RBFOX1: variants seen among roughly 807,000 people sequenced by gnomAD.
The protein encoded by RBFOX1 is RNA binding protein fox-1 homolog 1.
In RBFOX1, 8 loss-of-function variants were observed where a neutral mutation model predicts 57.7. The ratio of observed to expected loss-of-function variants is 0.14; its 90% confidence interval spans 0.08 to 0.25. The LOEUF (loss-of-function observed/expected upper bound fraction) is 0.25, where lower values mean the gene tolerates loss of function less well. RBFOX1 is among the 10% of genes least tolerant of loss of function. The probability of loss-of-function intolerance (pLI) is 1.00; values close to 1 mark genes in which losing one functional copy is unlikely to be tolerated. For synonymous variants in RBFOX1, 326 were observed against 222.4 expected, an observed-to-expected ratio of 1.47 and a Z score of -4.15; for missense variants, 611 against 548.5, an observed-to-expected ratio of 1.11 and a Z score of -1.14.
intron 14 of RBFOX1, among the ~76,000 whole-genome samples, chr16:7,701,308 GT>G (rs2080631538): frequency 6.6e-6 from 1 of 151,980 alleles, no homozygotes. Flanking sequence ...GGTGAGCGGG[GT>G]GGGGGGTGAG....
intron 4 of RBFOX1, among the ~76,000 whole-genome samples, chr16:7,417,073 G>A (rs1262354573): frequency 6.6e-6 from 1 of 151,904 alleles, no homozygotes; most frequent in Non-Finnish European, 1.5e-5. Flanking sequence ...TTAATTTTAA[G>A]AAATAGCACA....
chr16:7,091,699 C>G (rs911098574), intron 4 of RBFOX1, among the ~76,000 whole-genome samples: 4 of 152,146 alleles, frequency 2.6e-5, no homozygotes, highest in Non-Finnish European at 5.9e-5. Flanking sequence ...TATCTCTGCT[C>G]TTTCACCCCA....
intron 4 of RBFOX1, among the ~76,000 whole-genome samples, chr16:7,469,878 GTC>G (rs1426544291): frequency 1.3e-5 from 2 of 152,046 alleles, no homozygotes; most frequent in Admixed American, 6.6e-5. Context: ...TCTACTTTCT[GTC>G]TCTCTGAGTT....
intron 4 of RBFOX1, among the ~76,000 whole-genome samples, chr16:6,005,740 A>G (rs1306837796): frequency 1.3e-5 from 2 of 152,174 alleles, no homozygotes; most frequent in African/African-American, 4.8e-5. Flanking sequence ...CAGTAGAGAT[A>G]TTTACACAAT....
intron 4 of RBFOX1, among the ~76,000 whole-genome samples, chr16:7,305,832 G>C (rs771216324): frequency 2.0e-5 from 3 of 152,166 alleles, no homozygotes; most frequent in Non-Finnish European, 4.4e-5. Flanking sequence ...TCATTATTGA[G>C]TAAATCGTGC....
At chr16:5,748,125 G>A (rs1292002322) in intron 3 of RBFOX1, among the ~76,000 whole-genome samples, 4 of 152,012 alleles carry the variant, frequency 2.6e-5, no homozygotes, top group Admixed American at 6.6e-5. Flanking sequence ...CCTTCATTTC[G>A]TTATGTACCC....
At chr16:7,166,737 C>G (rs1372792363) in intron 4 of RBFOX1, among the ~76,000 whole-genome samples, 1 of 152,058 alleles carries the variant, frequency 6.6e-6, no homozygotes. Context: ...TCAAGGCAGA[C>G]TTCAGCAGCA....
At chr16:5,827,807 A>T (rs1215456229) in intron 3 of RBFOX1, among the ~76,000 whole-genome samples, 1 of 151,734 alleles carries the variant, frequency 6.6e-6, no homozygotes, top group East Asian at 1.9e-4. Context: ...CCATTCATTC[A>T]TTCATCCACT....
intron 2 of RBFOX1, among the ~76,000 whole-genome samples, chr16:6,372,840 G>A (rs187823338): frequency 6.6e-6 from 1 of 151,754 alleles, no homozygotes; most frequent in South Asian, 2.1e-4. Flanking sequence ...TGGTTGGTTA[G>A]GATCTTTGGG....
chr16:6,845,385 A>G (rs530516699), intron 3 of RBFOX1, among the ~76,000 whole-genome samples: 2 of 151,748 alleles, frequency 1.3e-5, no homozygotes, highest in Non-Finnish European at 2.9e-5. Context: ...TCCAGTTTCA[A>G]TTTTCTGTGT....
At chr16:6,983,958 C>T (rs923152012) in intron 3 of RBFOX1, among the ~76,000 whole-genome samples, 6 of 152,132 alleles carry the variant, frequency 3.9e-5, no homozygotes, top group Non-Finnish European at 8.8e-5. Flanking sequence ...GTGTAAAATC[C>T]TGGATCTGGC....
At chr16:6,782,823 A>G (rs540704020) in intron 3 of RBFOX1, among the ~76,000 whole-genome samples, 2 of 152,294 alleles carry the variant, frequency 1.3e-5, no homozygotes, top group African/African-American at 2.4e-5. Context: ...TGAAAGTGGT[A>G]TGTTAACTTA....
At position 5,590,025 on chromosome 16, in the gene RBFOX1, G is replaced by A. The variant is rs893055537; in HGVS notation, c.259-8877G>A. ...TTGACGACTTAGACAACAGCCTAGC[G>A]TTTCAGAGGAGTCTGCGTGTTACAC... On this transcript the variant is annotated intron_variant, in intron 2 of 2. Transcript: ENST00000585867. Among the ~76,000 whole-genome samples the A allele has an allele frequency of 1.0e-3, 149 of 147,620 alleles. 1 individual carries two copies. The highest frequency in any genetic ancestry group is 3.2e-3 in the African/African-American group (129 of 39,834).
intron 2 of RBFOX1, among the ~76,000 whole-genome samples, chr16:6,363,932 C>A (rs965675662): frequency 6.6e-6 from 1 of 152,002 alleles, no homozygotes; most frequent in African/African-American, 2.4e-5. Context: ...GTAATCATAT[C>A]GTACAATAAA....
At chr16:5,295,588 C>T (rs547016826) in intron 1 of RBFOX1, among the ~76,000 whole-genome samples, 135 of 152,290 alleles carry the variant, frequency 8.9e-4, no homozygotes, top group African/African-American at 1.7e-3. Context: ...CTCAGGGCCC[C>T]GGTTTCTTGC....
intron 4 of RBFOX1, among the ~76,000 whole-genome samples, chr16:5,884,170 C>G (rs542449967): frequency 6.6e-6 from 1 of 152,168 alleles, no homozygotes; most frequent in African/African-American, 2.4e-5. Flanking sequence ...AGCAAGTTGT[C>G]AGTAAATGAT....
intron 4 of RBFOX1, among the ~76,000 whole-genome samples, chr16:7,320,177 G>A (rs115140775): frequency 3.9e-5 from 6 of 152,056 alleles, no homozygotes; most frequent in Non-Finnish European, 8.8e-5. Flanking sequence ...CAACCCATCA[G>A]CTAGGTATTA....
chr16:6,921,617 A>C (rs2074454875), intron 3 of RBFOX1, among the ~76,000 whole-genome samples: 1 of 141,704 alleles, frequency 7.1e-6, no homozygotes, highest in Admixed American at 7.3e-5. Flanking sequence ...GTATATACAT[A>C]AATTACTGTA....
At chr16:6,565,805 G>A (rs1369415458) in intron 2 of RBFOX1, among the ~76,000 whole-genome samples, 2 of 152,112 alleles carry the variant, frequency 1.3e-5, no homozygotes, top group Non-Finnish European at 2.9e-5. Flanking sequence ...CTCACCTGAT[G>A]AAAAAAAGAG....
Sources: gnomAD v4.1 joint callset for allele counts (sites outside exome capture counted in the v4.1 genomes callset) on GRCh38, gnomAD v4.1.1 for gene constraint, MANE v1.5 for transcripts, NCBI Gene and HGNC (gene_info 2026-07-23, HGNC 2026-07-21) for gene names.